DLGAP1: variants seen among roughly 807,000 people sequenced by gnomAD.
DLGAP1 encodes the protein disks large-associated protein 1.
Under a neutral mutation model 90.8 loss-of-function variants are expected in DLGAP1, and 11 were observed. That is an observed-to-expected ratio of 0.12 (90% confidence interval 0.08 to 0.20). The LOEUF (loss-of-function observed/expected upper bound fraction) is 0.20, where lower values mean the gene tolerates loss of function less well. Among genes scored for constraint, DLGAP1 ranks in the 10% least tolerant of loss-of-function variants. The pLI is 1.00. For synonymous variants in DLGAP1, 558 were observed against 540.7 expected (o/e 1.03, Z -0.44); for missense variants, 1,050 against 1,333.8 (o/e 0.79, Z 3.31).
At chr18:3,510,924 G>T (rs1458007466) in intron 10 of DLGAP1, among the ~76,000 whole-genome samples, 1 of 152,254 alleles carries the variant, frequency 6.6e-6, no homozygotes. Context: ...GGCTAAGTCA[G>T]ATGTCTTCTC....
At chr18:3,751,143 C>G (rs1018303503) in intron 5 of DLGAP1, among the ~76,000 whole-genome samples, 1 of 152,210 alleles carries the variant, frequency 6.6e-6, no homozygotes, top group African/African-American at 2.4e-5. Context: ...TTAATTACCA[C>G]TAATAACCCC....
chr18:3,822,379 C>T (rs533222257), intron 4 of DLGAP1, among the ~76,000 whole-genome samples: 1 of 152,310 alleles, frequency 6.6e-6, no homozygotes, highest in Non-Finnish European at 1.5e-5. Flanking sequence ...CAAACATTTA[C>T]AGTATCTGCA....
chr18:3,822,024 GAA>G (rs34207365), intron 4 of DLGAP1: 51,245 of 654,174 alleles, frequency 0.078, 611 homozygotes, highest in East Asian at 0.17. Context: ...AGCAAAAACA[GAA>G]AAAAAAAAAA....
rs1329740492 is a variant in DLGAP1 at position 3,502,501 on chromosome 18, C to T, written c.2716G>A (p.Asp906Asn). 8 of 1,614,098 alleles carry T rather than the reference C, an allele frequency of 5.0e-6. No homozygotes were observed. Among genetic ancestry groups the T allele is most frequent in the Non-Finnish European group, 6.8e-6 (8 of 1,180,024 alleles). Residue 906 changes from aspartate (D) to asparagine (N), a missense_variant, in exon 12 of 13, where the codon GAC (aspartate) becomes AAC (asparagine). By Grantham distance (23) the Asp-to-Asn change is conservative. Transcript: ENST00000315677. The part of the protein sequence containing the change: ...ANNWKQMDPL[D>N]KKERRAPPPV... ...AATCTACATTGTTCTACCTTCTTGT[C>T]AAGAGGATCCATCTGTTTCCAATTA...
At chr18:4,408,099 T>TAGAAGGAA (rs2082702401) in intron 1 of DLGAP1, among the ~76,000 whole-genome samples, 1 of 151,592 alleles carries the variant, frequency 6.6e-6, no homozygotes, top group Non-Finnish European at 1.5e-5. Flanking sequence ...TTTGAGGTGG[T>TAGAAGGAA]AGAAGGAAAG....
intron 1 of DLGAP1, among the ~76,000 whole-genome samples, chr18:4,427,961 A>C (rs1363683797): frequency 6.6e-6 from 1 of 152,164 alleles, no homozygotes; most frequent in African/African-American, 2.4e-5. Context: ...CCTGGATGTA[A>C]ATTGTTCAGA....
chr18:4,182,256 C>T (rs1390002118), intron 1 of DLGAP1, among the ~76,000 whole-genome samples: 1 of 152,112 alleles, frequency 6.6e-6, no homozygotes, highest in African/African-American at 2.4e-5. Flanking sequence ...CAGGAAGGCT[C>T]TTTGCCCTCT....
rs974487370 is a variant in DLGAP1 at position 3,879,003 on chromosome 18, C to T, written c.957+109G>A. ...GATGCCGAATAATTTGCACAGGTTC[C>T]TATCTTAATAGACAATTCAGAGTAG... On this transcript the variant is annotated intron_variant, in intron 4 of 12. Transcript: ENST00000315677. The surrounding 1 kb of genome is among the most constrained non-coding windows in gnomAD (Gnocchi z 6.6). 1.1e-6 allele frequency: 1 copy of T among 921,912 alleles called. No individual in the cohort carries two copies. Among genetic ancestry groups the T allele is most frequent in the East Asian group, 2.9e-5 (1 of 34,924 alleles). 57.1% of individuals were successfully genotyped at this position (921,912 alleles called of 1,614,324 possible).
chr18:3,540,986 C>T (rs547324358), intron 9 of DLGAP1, among the ~76,000 whole-genome samples: 4 of 152,240 alleles, frequency 2.6e-5, no homozygotes, highest in South Asian at 2.1e-4. Context: ...ACTATAGGAA[C>T]CCTGGTTAGG....
intron 1 of DLGAP1, among the ~76,000 whole-genome samples, chr18:4,298,827 A>G (rs368398851): frequency 8.5e-5 from 13 of 152,182 alleles, no homozygotes; most frequent in East Asian, 7.7e-4. Context: ...CACGCCTGTA[A>G]TCCCAGCACT....
chr18:4,367,151 GA>G (rs2081793150), intron 1 of DLGAP1, among the ~76,000 whole-genome samples: 1 of 150,028 alleles, frequency 6.7e-6, no homozygotes, highest in African/African-American at 2.5e-5. Context: ...GACCATCAAG[GA>G]AACTAATTTT....
intron 5 of DLGAP1, among the ~76,000 whole-genome samples, chr18:3,772,637 A>G (rs985761663): frequency 3.3e-4 from 50 of 151,564 alleles, no homozygotes; most frequent in African/African-American, 1.2e-3. Flanking sequence ...TATTAATAAT[A>G]TTATTATATC....
intron 1 of DLGAP1, among the ~76,000 whole-genome samples, chr18:4,444,775 C>A (rs2083620388): frequency 6.6e-6 from 1 of 152,130 alleles, no homozygotes; most frequent in South Asian, 2.1e-4. Context: ...TGGTTAATAG[C>A]ACTTACTAAT....
At chr18:4,214,263 G>A (rs756691964) in intron 1 of DLGAP1, among the ~76,000 whole-genome samples, 50 of 151,954 alleles carry the variant, frequency 3.3e-4, no homozygotes, top group African/African-American at 4.8e-4. Context: ...AACCGGAGTC[G>A]TGGATTACAG....
chr18:3,547,076 T>C (rs1347989786), intron 9 of DLGAP1, among the ~76,000 whole-genome samples: 4 of 151,510 alleles, frequency 2.6e-5, no homozygotes, highest in Non-Finnish European at 4.4e-5. Context: ...CCGTGGCAGG[T>C]GGATCACGAG....
intron 1 of DLGAP1, among the ~76,000 whole-genome samples, chr18:4,221,646 T>C (rs2078079423): frequency 1.3e-5 from 2 of 152,154 alleles, no homozygotes; most frequent in South Asian, 2.1e-4. Context: ...TGACTGACAG[T>C]ACACGGTAGT....
chr18:4,341,466 G>A (rs973102877), intron 1 of DLGAP1, among the ~76,000 whole-genome samples: 1 of 152,026 alleles, frequency 6.6e-6, no homozygotes, highest in Non-Finnish European at 1.5e-5. Flanking sequence ...ATGTTTCAGT[G>A]GACCTTAAAT....
intron 7 of DLGAP1, among the ~76,000 whole-genome samples, chr18:3,610,798 C>G (rs1441318694): frequency 3.3e-5 from 5 of 151,776 alleles, no homozygotes; most frequent in Admixed American, 3.3e-4. Context: ...GAGATCACGC[C>G]ACTGCACTCC....
intron 1 of DLGAP1, among the ~76,000 whole-genome samples, chr18:4,203,367 T>G (rs1336820187): frequency 2.0e-5 from 3 of 152,166 alleles, no homozygotes; most frequent in African/African-American, 7.2e-5. Context: ...CTTGAAATAT[T>G]CATTAAATAT....
Sources: gnomAD v4.1 joint callset for allele counts (sites outside exome capture counted in the v4.1 genomes callset) on GRCh38, gnomAD v4.1.1 for gene constraint, Gnocchi (gnomAD v3.1) non-coding constraint, MANE v1.5 for transcripts, NCBI Gene and HGNC (gene_info 2026-07-23, HGNC 2026-07-21) for gene names.